Variants in SCG2 observed in about 807,000 individuals in gnomAD.
The protein encoded by SCG2 is secretogranin II, also known as secretogranin-2.
Under a neutral mutation model 49.5 loss-of-function variants are expected in SCG2, and 23 were observed. The observed-to-expected ratio is 0.46, with a 90% CI of 0.33 to 0.66. The LOEUF (loss-of-function observed/expected upper bound fraction) is 0.66. SCG2 is among the 30% of genes least tolerant of loss of function. SCG2 has a pLI of 0.01. For missense variants in SCG2, 730 were observed against 728.2 expected (o/e 1.00, Z -0.03); for synonymous variants, 288 against 260.4 (o/e 1.11, Z -1.02).
At chr2:223,600,017 C>T (rs768084203) in intron 1 of SCG2, among the ~76,000 whole-genome samples, 3 of 152,158 alleles carry the variant, frequency 2.0e-5, no homozygotes, top group Non-Finnish European at 2.9e-5. Context: ...GTAGACTAAA[C>T]CAATGAAGTT....
Position 223,598,460 on chromosome 2 carries a change from T to C in SCG2, c.823A>G (p.Asn275Asp). ...VRDSKENIEK[N>D]EQINDEMKRS... The stretch of plus-strand genomic sequence containing the variant: ...TTCATCTCATCGTTGATTTGTTCAT[T>C]TTTTTCTATATTCTCTTTGCTGTCT... The change falls in exon 2 of 2, where the codon AAT (asparagine) becomes GAT (aspartate). Residue 275 changes from asparagine to aspartate, a missense_variant. Transcript: ENST00000305409. 6.2e-7 allele frequency: 1 copy of C among 1,614,094 alleles called. No individual in the cohort carries two copies. Among genetic ancestry groups the C allele is most frequent in the Non-Finnish European group, 8.5e-7 (1 of 1,180,026 alleles).
At chr2:223,600,633 C>G (rs1399931114) in intron 1 of SCG2, among the ~76,000 whole-genome samples, 1 of 152,052 alleles carries the variant, frequency 6.6e-6, no homozygotes, top group Non-Finnish European at 1.5e-5. Flanking sequence ...TTAGCTTAGA[C>G]ATCAATTGTA....
chr2:223,597,262 C>T lies in SCG2; in HGVS notation c.*167G>A. 1 of 740,906 alleles carries T rather than the reference C, an allele frequency of 1.3e-6. No homozygotes were observed. The allele number at this position is 740,906 out of a possible 1,614,324, so 45.9% of individuals were successfully genotyped here. A position where few individuals can be genotyped will look rare whatever the true frequency, so the allele number is the denominator to read the frequency against. ...TTACACATATCCATACACAAGATAA[C>T]AGCTCAGAGGAAATGAAGCAGACTC... On this transcript the variant is annotated 3_prime_UTR_variant, in exon 2 of 2. Transcript: ENST00000305409.
chr2:223,598,391 C>T lies in SCG2; in HGVS notation c.892G>A (p.Glu298Lys), dbSNP rs1691334403. 1 of 1,614,122 alleles carries T rather than the reference C, an allele frequency of 6.2e-7. No individual in the cohort carries two copies. Among genetic ancestry groups the T allele is most frequent in the Non-Finnish European group, 8.5e-7 (1 of 1,180,046 alleles). ...LGIQEEDLRK[E>K]SKDQLSDDVS... is the part of the protein sequence containing the mutation. ...TCATCTGAGAGTTGGTCTTTACTCT[C>T]TTTCCGAAGATCTTCTTCCTGGATG... Residue 298 changes from glutamate to lysine, a missense_variant, in exon 2 of 2, where the codon GAG (glutamate) becomes AAG (lysine). Glu to Lys is a moderately conservative substitution (Grantham distance 56). Coordinates refer to ENST00000305409, the MANE Select transcript of SCG2 (RefSeq NM_003469.5).
In SCG2 at chr2:223,598,275, G is replaced by A. The variant is rs775467901; in HGVS notation, c.1008C>T (p.Thr336=). The change falls in exon 2 of 2, where the codon ACC becomes ACT. Residue 336 remains threonine (T), a synonymous_variant. Coordinates refer to ENST00000305409, the MANE Select transcript of SCG2 (RefSeq NM_003469.5). Reference sequence around the variant, plus strand: ...AATCAAGAGGTTTCTCAAAAAGCCTGGTGGCCCTTTCCCCATTTTGCCCAT... The same window carrying A: ...AATCAAGAGGTTTCTCAAAAAGCCTAGTGGCCCTTTCCCCATTTTGCCCAT... ...LQNGQNGERA[T]RLFEKPLDSQ... The A allele has an allele frequency of 6.2e-7, 1 of 1,614,122 alleles. No individual in the cohort carries two copies. The highest frequency in any genetic ancestry group is 1.1e-5 in the South Asian group (1 of 91,070).
Position 223,598,653 on chromosome 2 carries a change from TC to T in SCG2, c.629del (p.Gly210AspfsTer44). Reference protein sequence around the residue: ...SVFQELGKLTGPNNQKRERMD... With the variant: ...SVFQELGKLTXPNNQKRERMD... ...TCCTCTCACGTTTCTGGTTGTTTGGTCCTGTCAGTTTCCCCAGCTCTTGGAA... is the reference window on the plus strand; with the variant it reads ...TCCTCTCACGTTTCTGGTTGTTTGGTCTGTCAGTTTCCCCAGCTCTTGGAA... On this transcript the variant is annotated frameshift_variant, in exon 2 of 2. Coordinates refer to ENST00000305409, the MANE Select transcript of SCG2 (RefSeq NM_003469.5). LOFTEE classifies it high-confidence loss of function. 1 of 1,614,080 alleles carries T rather than the reference TC, an allele frequency of 6.2e-7. No homozygotes were observed. The highest frequency in any genetic ancestry group is 8.5e-7 in the Non-Finnish European group (1 of 1,180,026).
Position 223,597,929 on chromosome 2 carries a change from A to G in SCG2, c.1354T>C (p.Tyr452His). 6.2e-7 allele frequency: 1 copy of G among 1,614,112 alleles called. No individual in the cohort carries two copies. Among genetic ancestry groups the G allele is most frequent in the Non-Finnish European group, 8.5e-7 (1 of 1,180,016 alleles). ...MESAANQKTS[Y>H]FPNPYNQEKV... ...TCCTGGTTATATGGATTGGGAAAAT[A>G]CGACGTTTTCTGATTTGCTGCACTC... Residue 452 changes from tyrosine to histidine, a missense_variant, in exon 2 of 2, where the codon TAT becomes CAT. Transcript: ENST00000305409.
chr2:223,599,432 T>A (rs1691355675), intron 1 of SCG2, 136 bp from the exon 2 acceptor site: 6 of 710,582 alleles, frequency 8.4e-6, no homozygotes, highest in Non-Finnish European at 1.2e-5. Flanking sequence ...TAACTCTTTT[T>A]AAAAATTCAT....
At position 223,597,654 on chromosome 2, in the gene SCG2, A is replaced by G. The variant is rs1574632616; in HGVS notation, c.1629T>C (p.Ile543=). 6.2e-7 allele frequency: 1 copy of G among 1,614,072 alleles called. No homozygotes were observed. The highest frequency in any genetic ancestry group is 8.5e-7 in the Non-Finnish European group (1 of 1,180,002). Reference sequence around the variant, plus strand: ...TCAAATGCTCTTTGATGGCCTGCTCAATTTGTTCCTCTTCCTGCAGGTCAT... The same window carrying G: ...TCAAATGCTCTTTGATGGCCTGCTCGATTTGTTCCTCTTCCTGCAGGTCAT... The part of the protein sequence containing the change: ...SEDDLQEEEQ[I]EQAIKEHLNQ... The change falls in exon 2 of 2, where the codon ATT becomes ATC. Residue 543 remains isoleucine, a synonymous_variant. Transcript: ENST00000305409.
chr2:223,598,683 A>G lies in SCG2; in HGVS notation c.600T>C (p.Ser200=). ...TCAGTTTCCCCAGCTCTTGGAAGAC[A>G]GATTCCAATGTAGCAAGGCTTTGAG... The part of the protein sequence containing the change: ...YTPQSLATLE[S]VFQELGKLTG... Residue 200 remains serine (S), a synonymous_variant, in exon 2 of 2, where the codon TCT becomes TCC. Coordinates refer to ENST00000305409, the MANE Select transcript of SCG2 (RefSeq NM_003469.5). The G allele has an allele frequency of 1.9e-6, 3 of 1,614,052 alleles. No homozygotes were observed. The highest frequency in any genetic ancestry group is 1.7e-6 in the Non-Finnish European group (2 of 1,180,038).
At chr2:223,600,367 G>A (rs55894515) in intron 1 of SCG2, among the ~76,000 whole-genome samples, 3,945 of 152,154 alleles carry the variant, frequency 0.026, 67 homozygotes, top group Middle Eastern at 0.051. Context: ...CACAGATGAT[G>A]TGCTGAATTC....
chr2:223,597,961 C>T lies in SCG2; in HGVS notation c.1322G>A (p.Gly441Glu). ...TTTCTGATTTGCTGCACTCTCCATC[C>T]CTAAAAGATTTAAAATATCCTCAAC... ...LSVEDILNLL[G>E]MESAANQKTS... Residue 441 changes from glycine (G) to glutamate (E), a missense_variant, in exon 2 of 2, where the codon GGG becomes GAG. Transcript: ENST00000305409. 6.2e-7 allele frequency: 1 copy of T among 1,614,108 alleles called. No homozygotes were observed. Among genetic ancestry groups the T allele is most frequent in the Non-Finnish European group, 8.5e-7 (1 of 1,180,020 alleles).
intron 1 of SCG2, among the ~76,000 whole-genome samples, chr2:223,601,269 T>G (rs956374018): frequency 2.0e-5 from 3 of 152,200 alleles, no homozygotes; most frequent in African/African-American, 7.2e-5. Flanking sequence ...TTTCAACAGC[T>G]CTACTATTCT....
rs938974347 is a variant in SCG2 at position 223,599,891 on chromosome 2, CT to C, written c.-14-596del. Among the ~76,000 whole-genome samples the C allele has an allele frequency of 4.6e-5, 7 of 152,210 alleles. No individual in the cohort carries two copies. The South Asian group carries it at 6.2e-4, about 14-fold the overall frequency. ...TTATATGTCAATCATACCGAATTACCTTCTGGGGAGTCCTATCCAGATATAT... is the reference window on the plus strand; with the variant it reads ...TTATATGTCAATCATACCGAATTACCTCTGGGGAGTCCTATCCAGATATAT... On this transcript the variant is annotated intron_variant, in intron 1 of 1. Coordinates refer to ENST00000305409, the MANE Select transcript of SCG2 (RefSeq NM_003469.5).
chr2:223,597,428 C>T lies in SCG2; in HGVS notation c.*1G>A, dbSNP rs1181378364. On this transcript the variant is annotated 3_prime_UTR_variant, in exon 2 of 2. Coordinates refer to ENST00000305409, the MANE Select transcript of SCG2 (RefSeq NM_003469.5). ...AAAGTAGGGTAATTAATGAAAGCAG[C>T]TTACATATTTTCCATTGCTCTCTTA... is the stretch of plus-strand genomic sequence containing the variant. 6.3e-7 allele frequency: 1 copy of T among 1,585,388 alleles called. No homozygotes were observed. Among genetic ancestry groups the T allele is most frequent in the Admixed American group, 1.8e-5 (1 of 56,132 alleles).
At chr2:223,601,025 T>G (rs952681784) in intron 1 of SCG2, among the ~76,000 whole-genome samples, 1 of 152,180 alleles carries the variant, frequency 6.6e-6, no homozygotes, top group South Asian at 2.1e-4. Context: ...GCCACAATAC[T>G]GAAATAGTCT....
rs748389980 is a variant in SCG2 at position 223,597,860 on chromosome 2, A to C, written c.1423T>G (p.Ser475Ala). Reference sequence around the variant, plus strand: ...CAGGCAGCTTTGGGAAGCTGGTTCGATCTAGATCTTCCAGCACCATAAGGG... The same window carrying C: ...CAGGCAGCTTTGGGAAGCTGGTTCGCTCTAGATCTTCCAGCACCATAAGGG... ...RLPYGAGRSR[S>A]NQLPKAAWIP... The change falls in exon 2 of 2, where the codon TCG becomes GCG. Residue 475 changes from serine to alanine, a missense_variant. Physicochemically the swap from Ser to Ala is moderately conservative, Grantham distance 99 (BLOSUM62 1). Transcript: ENST00000305409. The C allele has an allele frequency of 1.9e-6, 3 of 1,614,014 alleles. No homozygotes were observed. Among genetic ancestry groups the C allele is most frequent in the African/African-American group, 1.3e-5 (1 of 74,904 alleles).
chr2:223,599,117 T>C lies in SCG2; in HGVS notation c.166A>G (p.Ile56Val), dbSNP rs1270048193. 5 of 1,614,042 alleles carry C rather than the reference T, an allele frequency of 3.1e-6. No individual in the cohort carries two copies. The highest frequency in any genetic ancestry group is 4.2e-6 in the Non-Finnish European group (5 of 1,180,020). ...NVQKFPSPEMIRALEYIENLR... is the reference protein window; with the variant it reads ...NVQKFPSPEMVRALEYIENLR... ...TTTTCTATGTACTCCAAAGCCCTGA[T>C]CATTTCAGGACTGGGAAACTTTTGG... The change falls in exon 2 of 2, where the codon ATC becomes GTC. Residue 56 changes from isoleucine to valine, a missense_variant. Transcript: ENST00000305409.
At chr2:223,599,361 A>G in intron 1 of SCG2, 65 bp from the exon 2 acceptor site, 1 of 1,328,314 alleles carries the variant, frequency 7.5e-7, no homozygotes, top group Non-Finnish European at 1.0e-6. Context: ...AGCAAAAGAA[A>G]TAATTGATCA....
Sources: allele counts gnomAD v4.1 joint callset (sites outside exome capture counted in the v4.1 genomes callset), GRCh38; gene constraint gnomAD v4.1.1; transcripts MANE v1.5; gene names NCBI Gene and HGNC (gene_info 2026-07-23, HGNC 2026-07-21).